The following SCN9A variants were observed in gnomAD, a reference collection of about 807,000 sequenced individuals.
SCN9A encodes the protein sodium channel protein type 9 subunit alpha.
Under a neutral mutation model 187.0 loss-of-function variants are expected in SCN9A, and 131 were observed. The ratio of observed to expected loss-of-function variants is 0.70; its 90% confidence interval spans 0.61 to 0.81. SCN9A has a LOEUF of 0.81. SCN9A is among the 30% of genes least tolerant of loss of function. The pLI is 0.00. For synonymous variants in SCN9A, 809 were observed against 808.6 expected (o/e 1.00, Z -0.01); for missense variants, 2,252 against 2,396.6 (o/e 0.94, Z 1.26).
At chr2:166,337,104 TG>T (rs1699647733) in intron 1 of SCN9A, among the ~76,000 whole-genome samples, 1 of 151,896 alleles carries the variant, frequency 6.6e-6, no homozygotes, top group Non-Finnish European at 1.5e-5. Context: ...ATATGATTGG[TG>T]GGGGTATGGA....
At chr2:166,291,930 A>T (rs534462382) in intron 9 of SCN9A, among the ~76,000 whole-genome samples, 58 of 152,354 alleles carry the variant, frequency 3.8e-4, no homozygotes, top group African/African-American at 1.3e-3. Context: ...CTCAAGATGG[A>T]TTAAAGACTT....
intron 1 of SCN9A, among the ~76,000 whole-genome samples, chr2:166,312,623 G>A (rs917968879): frequency 6.6e-6 from 1 of 152,038 alleles, no homozygotes; most frequent in African/African-American, 2.4e-5. Flanking sequence ...CACTATCTAT[G>A]GCAGCTATAG....
intron 24 of SCN9A, among the ~76,000 whole-genome samples, chr2:166,216,891 T>G (rs946832056): frequency 6.6e-6 from 1 of 152,088 alleles, no homozygotes; most frequent in Non-Finnish European, 1.5e-5. Flanking sequence ...AATCCTAACA[T>G]TTGAATAAAA....
At chr2:166,341,181 T>C (rs1406272) in intron 1 of SCN9A, among the ~76,000 whole-genome samples, 103,321 of 152,034 alleles carry the variant, frequency 0.68, 35,811 homozygotes, top group African/African-American at 0.82. Context: ...GAGTGACATT[T>C]GTCAAGCAAA....
At chr2:166,352,819 G>A (rs1288617650) in intron 1 of SCN9A, among the ~76,000 whole-genome samples, 1 of 152,060 alleles carries the variant, frequency 6.6e-6, no homozygotes, top group Non-Finnish European at 1.5e-5. Flanking sequence ...AACTGAAAAC[G>A]GGTCTCCAGA....
In SCN9A at chr2:166,198,864, A is replaced by G. The variant is rs202048301; in HGVS notation, c.5775T>C (p.Asp1925=). Residue 1925 remains aspartate, a synonymous_variant, in exon 27 of 27, where the codon GAT becomes GAC. Transcript: ENST00000642356. The stretch of plus-strand genomic sequence containing the variant: ...AAGCCATATCTTTTTTATTGAGTAA[A>G]TCATCATCTCTGTCTCCATCTTTTA... ...IYIKDGDRDD[D]LLNKKDMAFD... 3 of 1,613,786 alleles carry G rather than the reference A, an allele frequency of 1.9e-6. No homozygotes were observed. The highest frequency in any genetic ancestry group is 2.5e-6 in the Non-Finnish European group (3 of 1,179,786).
Position 166,228,821 on chromosome 2 carries a change from A to G in SCN9A, c.4076T>C (p.Phe1359Ser), listed in dbSNP as rs1246327861. The G allele has an allele frequency of 6.2e-7, 1 of 1,613,872 alleles. No homozygotes were observed. Among genetic ancestry groups the G allele is most frequent in the African/African-American group, 1.3e-5 (1 of 74,924 alleles). Residue 1359 changes from phenylalanine to serine, a missense_variant, in exon 22 of 27, where the codon TTT becomes TCT. Physicochemically the swap from Phe to Ser is radical, Grantham distance 155. Around this residue, in one of 7 missense-constraint regions of SCN9A, gnomAD observed 368 missense variants for 408.6 expected, o/e 0.90. Coordinates refer to ENST00000642356, the MANE Select transcript of SCN9A (RefSeq NM_001365536.1). ...ECINTTDGSR[F>S]PASQVPNRSE... ...ACGATTTGGAACTTGACTTGCAGGA[A>G]ACCGTGACCCATCTGTGGTGTTAAT...
At chr2:166,241,962 C>T (rs559718734) in intron 19 of SCN9A, among the ~76,000 whole-genome samples, 1 of 152,226 alleles carries the variant, frequency 6.6e-6, no homozygotes, top group South Asian at 2.1e-4. Context: ...TAATTCTCTG[C>T]AAGACTGACT....
intron 1 of SCN9A, among the ~76,000 whole-genome samples, chr2:166,329,931 T>G (rs575403459): frequency 5.2e-4 from 79 of 152,286 alleles, no homozygotes; most frequent in Admixed American, 9.2e-4. Context: ...CAAGTCTGAT[T>G]GTCCTTACTT....
intron 17 of SCN9A, among the ~76,000 whole-genome samples, chr2:166,269,066 A>G (rs1369956069): frequency 6.6e-6 from 1 of 151,984 alleles, no homozygotes; most frequent in Non-Finnish European, 1.5e-5. Context: ...TACCATGGAA[A>G]TGTAATAGAG....
intron 24 of SCN9A, among the ~76,000 whole-genome samples, chr2:166,224,974 A>G (rs1694783476): frequency 6.6e-6 from 1 of 152,170 alleles, no homozygotes; most frequent in Non-Finnish European, 1.5e-5. Flanking sequence ...GATCTGACAT[A>G]TCATGGAGTC....
chr2:166,331,275 C>A (rs940732015), intron 1 of SCN9A, among the ~76,000 whole-genome samples: 2 of 152,096 alleles, frequency 1.3e-5, no homozygotes, highest in African/African-American at 4.8e-5. Context: ...TTTACCACAA[C>A]TGAGTATAGT....
At chr2:166,368,216 G>GA (rs1700464839) in intron 1 of SCN9A, among the ~76,000 whole-genome samples, 1 of 152,196 alleles carries the variant, frequency 6.6e-6, no homozygotes, top group South Asian at 2.1e-4. Context: ...CGGAGCATAT[G>GA]AAAATCCCTT....
At chr2:166,357,593 A>T (rs977634618) in intron 1 of SCN9A, among the ~76,000 whole-genome samples, 1 of 152,198 alleles carries the variant, frequency 6.6e-6, no homozygotes, top group Non-Finnish European at 1.5e-5. Context: ...ATAAAAGGAC[A>T]AAAAGGAAGG....
chr2:166,355,551 T>A (rs1392731334), intron 1 of SCN9A, among the ~76,000 whole-genome samples: 4 of 151,998 alleles, frequency 2.6e-5, no homozygotes, highest in Non-Finnish European at 5.9e-5. Context: ...AGGATATTGA[T>A]ACCTTTTCAC....
chr2:166,308,817 C>A (rs1328342384), intron 2 of SCN9A, among the ~76,000 whole-genome samples: 1 of 149,642 alleles, frequency 6.7e-6, no homozygotes, highest in Non-Finnish European at 1.5e-5. Context: ...TCCCAGCTAC[C>A]CTGGAGGCTG....
intron 1 of SCN9A, among the ~76,000 whole-genome samples, chr2:166,359,175 G>A (rs1461733065): frequency 6.6e-6 from 1 of 152,006 alleles, no homozygotes; most frequent in Non-Finnish European, 1.5e-5. Context: ...TAGGGTTGGT[G>A]CTATTAGATA....
intron 17 of SCN9A, among the ~76,000 whole-genome samples, chr2:166,257,504 A>G (rs1389877956): frequency 6.6e-6 from 1 of 151,654 alleles, no homozygotes; most frequent in Non-Finnish European, 1.5e-5. Context: ...TGAAAATATA[A>G]ATAGAAATTT....
chr2:166,277,571 A>G (rs894303446), intron 15 of SCN9A: 1 of 443,952 alleles, frequency 2.3e-6, no homozygotes, highest in African/African-American at 1.9e-5. Context: ...ATGTACTTTT[A>G]GTTCAGGATT....
Sources: gnomAD v4.1 joint callset for allele counts (sites outside exome capture counted in the v4.1 genomes callset) on GRCh38, gnomAD v4.1.1 for gene constraint, gnomAD v4.1.1 regional missense constraint, MANE v1.5 for transcripts, NCBI Gene and HGNC (gene_info 2026-07-23, HGNC 2026-07-21) for gene names.